AATK: variants seen among roughly 807,000 people sequenced by gnomAD.
AATK encodes the protein lemur tail kinase 1, also known as serine/threonine-protein kinase LMTK1.
Under a neutral mutation model 114.3 loss-of-function variants are expected in AATK, and 91 were observed. The observed-to-expected ratio is 0.80, with a 90% CI of 0.67 to 0.95. The LOEUF (loss-of-function observed/expected upper bound fraction) is 0.95, where lower values mean the gene tolerates loss of function less well. AATK is among the 40% of genes least tolerant of loss of function. The pLI, the probability that AATK is intolerant of heterozygous loss-of-function variation, is 0.00. For missense variants in AATK, 2,176 were observed against 1,965.2 expected (o/e 1.11, Z -2.03); for synonymous variants, 1,075 against 916.5 (o/e 1.17, Z -3.12).
intron 13 of AATK, among the ~76,000 whole-genome samples, chr17:81,118,802 TGCA>T (rs2060614578): frequency 6.6e-6 from 1 of 152,184 alleles, no homozygotes. Flanking sequence ...CCCCCAGGGC[TGCA>T]GCCACAGGCC....
At position 81,140,677 on chromosome 17, in the gene AATK, A is replaced by G. The variant is rs1321650799; in HGVS notation, c.56-6176T>C. Among the ~76,000 whole-genome samples the G allele has an allele frequency of 1.2e-3, 128 of 107,876 alleles. 1 individual carries two copies. The highest frequency in any genetic ancestry group is 3.2e-3 in the African/African-American group (84 of 26,078). 70.8% of individuals were successfully genotyped at this position (107,876 alleles called of 152,430 possible). ...GGGGGACCGTGGGGCCGTGGGGACC[A>G]TGGGGCCGTGGGGCCGTTGAGCTGT... On this transcript the variant is annotated intron_variant, in intron 1 of 13. Coordinates refer to ENST00000326724, the MANE Select transcript of AATK (RefSeq NM_001080395.3).
chr17:81,117,782 C>T lies in AATK; in HGVS notation c.*620G>A, dbSNP rs983363453. 5.3e-5 allele frequency: 8 copies of T among 152,312 alleles called. No individual in the cohort carries two copies. Among genetic ancestry groups the T allele is most frequent in the African/African-American group, 1.2e-4 (5 of 41,452 alleles). The allele number at this position is 152,312 out of a possible 1,614,324, so 9.4% of individuals were successfully genotyped here. On this transcript the variant is annotated 3_prime_UTR_variant, in exon 14 of 14. Coordinates refer to ENST00000326724, the MANE Select transcript of AATK (RefSeq NM_001080395.3). ...GGACCCAGGTGGGAGCAGCCTGTTCCCTGTGGGAAGGGTGGGCTTACGGGT... is the reference window on the plus strand; with the variant it reads ...GGACCCAGGTGGGAGCAGCCTGTTCTCTGTGGGAAGGGTGGGCTTACGGGT...
At chr17:81,123,403 A>G in intron 9 of AATK, 60 bp from the exon 10 acceptor site, 1 of 1,303,284 alleles carries the variant, frequency 7.7e-7, no homozygotes, top group Non-Finnish European at 9.8e-7. Context: ...AGGACCGCGC[A>G]GGATCCCCGG....
intron 1 of AATK, among the ~76,000 whole-genome samples, chr17:81,160,846 C>T (rs1169125257): frequency 2.0e-5 from 3 of 152,226 alleles, no homozygotes; most frequent in Non-Finnish European, 4.4e-5. Context: ...AGCAGAACAG[C>T]GTGGTCCCAG....
At chr17:81,129,526 G>A (rs912331576) in intron 3 of AATK, among the ~76,000 whole-genome samples, 9 of 152,146 alleles carry the variant, frequency 5.9e-5, no homozygotes, top group Non-Finnish European at 1.3e-4. Flanking sequence ...TGACCTCTGG[G>A]GCTACTTTTC....
At chr17:81,124,046 G>A (rs1192202612) in intron 9 of AATK, among the ~76,000 whole-genome samples, 1 of 152,162 alleles carries the variant, frequency 6.6e-6, no homozygotes, top group Non-Finnish European at 1.5e-5. Context: ...AGGGGACAGT[G>A]TCCATGATGG....
At position 81,119,570 on chromosome 17, in the gene AATK, G is replaced by A. The variant is rs548952463; in HGVS notation, c.3894C>T (p.Phe1298=). The A allele has an allele frequency of 7.1e-5, 112 of 1,572,906 alleles. 2 individuals are homozygous for A. Among genetic ancestry groups the A allele is most frequent in the Middle Eastern group, 7.0e-4 (4 of 5,714 alleles). ...TCAGCGGGAAGTCGTCGTCCCACGC[G>A]AACCCACCACCTGCAGCCCAGGTCG... ...NGSTAEEGGG[F]AWDDDFPLMT... Residue 1298 remains phenylalanine, a synonymous_variant, in exon 13 of 14, where the codon TTC becomes TTT. Transcript: ENST00000326724.
intron 3 of AATK, among the ~76,000 whole-genome samples, 200 bp downstream of exon 3, chr17:81,130,861 G>A (rs2060920125): frequency 6.6e-6 from 1 of 152,224 alleles, no homozygotes; most frequent in African/African-American, 2.4e-5. Flanking sequence ...AGAGGTACAT[G>A]CACCTTTGGC....
chr17:81,140,168 C>T (rs72634329), intron 1 of AATK, among the ~76,000 whole-genome samples: 2,624 of 152,232 alleles, frequency 0.017, 75 homozygotes, highest in East Asian at 0.11. Context: ...GTGACAGGCA[C>T]GTGCCACCGG....
At chr17:81,119,307 A>C in intron 13 of AATK, 73 bp downstream of exon 13, 1 of 1,363,564 alleles carries the variant, frequency 7.3e-7, no homozygotes, top group Non-Finnish European at 9.6e-7. Flanking sequence ...ACCTAGACGG[A>C]GGGGCCCCAC....
At chr17:81,147,778 A>G (rs1025844482) in intron 1 of AATK, among the ~76,000 whole-genome samples, 3 of 152,158 alleles carry the variant, frequency 2.0e-5, no homozygotes, top group African/African-American at 7.2e-5. Context: ...TGTTTTAAAC[A>G]AACGGGAAGA....
At chr17:81,143,840 G>A (rs114255150) in intron 1 of AATK, among the ~76,000 whole-genome samples, 6,105 of 152,322 alleles carry the variant, frequency 0.04, 376 homozygotes, top group African/African-American at 0.12. Flanking sequence ...CTGCTCACCC[G>A]TCGGGTGTGC....
chr17:81,120,162 C>A (rs779354524), intron 11 of AATK, 39 bp downstream of exon 11: 3 of 1,525,938 alleles, frequency 2.0e-6, no homozygotes, highest in Non-Finnish European at 2.6e-6. Context: ...GGGAGCGCGA[C>A]CCCCAGCCCC....
At chr17:81,123,127 C>T (rs2060723330) in intron 10 of AATK, 67 bp downstream of exon 10, 6 of 1,372,516 alleles carry the variant, frequency 4.4e-6, no homozygotes, top group Non-Finnish European at 5.6e-6. Flanking sequence ...GGTGAGCCGC[C>T]TCTGCCTGGG....
Position 81,122,071 on chromosome 17 carries a change from C to G in AATK, c.1865G>C (p.Gly622Ala). 6.3e-7 allele frequency: 1 copy of G among 1,588,900 alleles called. No homozygotes were observed. Among genetic ancestry groups the G allele is most frequent in the Non-Finnish European group, 8.5e-7 (1 of 1,174,892 alleles). ...GCCCCAGTCTGCATCCTCCGCTCCT[C>G]CCTCCGCCAGACTCAGGGGCCCCGC... ...PSAGPLSLAE[G>A]GAEDADWGVA... is the part of the protein sequence containing the mutation. Residue 622 changes from glycine to alanine, a missense_variant, in exon 11 of 14, where the codon GGA (glycine) becomes GCA (alanine). Gly to Ala is a moderately conservative substitution (Grantham distance 60). Around this residue, in one of 4 missense-constraint regions of AATK, gnomAD observed 1,701 missense variants for 1,394.7 expected, o/e 1.22. Transcript: ENST00000326724.
At chr17:81,137,257 TAAAA>T (rs57760563) in intron 1 of AATK, among the ~76,000 whole-genome samples, 1 of 132,954 alleles carries the variant, frequency 7.5e-6, no homozygotes, top group African/African-American at 2.8e-5. Flanking sequence ...GACTCCGCCT[TAAAA>T]AAAAAAAAAA....
chr17:81,121,604 C>T lies in AATK; in HGVS notation c.2332G>A (p.Ala778Thr), dbSNP rs1467186270. 1 of 1,498,124 alleles carries T rather than the reference C, an allele frequency of 6.7e-7. No homozygotes were observed. Among genetic ancestry groups the T allele is most frequent in the Non-Finnish European group, 8.9e-7 (1 of 1,125,360 alleles). 92.8% of individuals were successfully genotyped at this position (1,498,124 alleles called of 1,614,324 possible). Reference protein sequence around the residue: ...TASSGGDHPQAEPKLATEAEG... With the variant: ...TASSGGDHPQTEPKLATEAEG... ...GCCTCCGTGGCAAGCTTGGGCTCTGCCTGCGGGTGGTCACCCCCACTACTG... is the reference window on the plus strand; with the variant it reads ...GCCTCCGTGGCAAGCTTGGGCTCTGTCTGCGGGTGGTCACCCCCACTACTG... Residue 778 changes from alanine to threonine, a missense_variant, in exon 11 of 14, where the codon GCA (alanine) becomes ACA (threonine). Physicochemically the swap from Ala to Thr is moderately conservative, Grantham distance 58. Transcript: ENST00000326724.
chr17:81,152,041 G>A (rs534282257), intron 1 of AATK, among the ~76,000 whole-genome samples: 1 of 152,222 alleles, frequency 6.6e-6, no homozygotes, highest in African/African-American at 2.4e-5. Context: ...TTGGGAGGCT[G>A]AGGTGGGCGG....
chr17:81,121,815 G>A lies in AATK; in HGVS notation c.2121C>T (p.Gly707=), dbSNP rs538497193. ...DPVSAGGHAE[G]CPSPKQTPRA... The stretch of plus-strand genomic sequence containing the variant: ...GTGGGGTCTGCTTTGGACTGGGGCA[G>A]CCCTCAGCGTGGCCGCCCGCAGAGA... The change falls in exon 11 of 14, where the codon GGC becomes GGT. Residue 707 remains glycine, a synonymous_variant. Transcript: ENST00000326724. 69 of 1,586,880 alleles carry A rather than the reference G, an allele frequency of 4.3e-5. No individual in the cohort carries two copies. The highest frequency in any genetic ancestry group is 5.6e-5 in the Non-Finnish European group (66 of 1,173,416).
Sources: allele counts gnomAD v4.1 joint callset (sites outside exome capture counted in the v4.1 genomes callset), GRCh38; gene constraint gnomAD v4.1.1; regional missense constraint gnomAD v4.1.1; transcripts MANE v1.5; gene names NCBI Gene and HGNC (gene_info 2026-07-23, HGNC 2026-07-21).